The following CTNNA3 variants were observed in gnomAD, a reference collection of about 807,000 sequenced individuals.
CTNNA3 encodes catenin alpha-3.
CTNNA3 carries 76 observed loss-of-function variants against 95.7 expected under a neutral mutation model. The ratio of observed to expected loss-of-function variants is 0.79; its 90% CI spans 0.66 to 0.96. The LOEUF is 0.96. Ranked by LOEUF, CTNNA3 falls within the 40% of genes least tolerant of loss-of-function variation. The pLI is 0.00. For missense variants in CTNNA3, 1,191 were observed against 1,089.8 expected, an observed-to-expected ratio of 1.09 and a Z score of -1.31; for synonymous variants, 431 against 374.4, an observed-to-expected ratio of 1.15 and a Z score of -1.74.
At position 67,112,150 on chromosome 10, in the gene CTNNA3, A is replaced by G. The variant is rs561757576; in HGVS notation, c.1047+68167T>C. Among the ~76,000 whole-genome samples, 752 of 152,288 alleles carry G rather than the reference A, an allele frequency of 4.9e-3. 1 individual carries two copies. Among genetic ancestry groups the G allele is most frequent in the African/African-American group, 0.015 (635 of 41,560 alleles). Reference sequence around the variant, plus strand: ...ATTTATAACTGGTCATTATGATAATACACCTTCATGTTCCACCCTTTTCAA... The same window carrying G: ...ATTTATAACTGGTCATTATGATAATGCACCTTCATGTTCCACCCTTTTCAA... On this transcript the variant is annotated intron_variant, in intron 7 of 17. Transcript: ENST00000433211.
intron 7 of CTNNA3, among the ~76,000 whole-genome samples, chr10:67,023,468 A>T (rs951677530): frequency 3.3e-5 from 5 of 152,130 alleles, no homozygotes; most frequent in Non-Finnish European, 7.4e-5. Flanking sequence ...GAGAACGATG[A>T]CTAAAATCTA....
intron 10 of CTNNA3, among the ~76,000 whole-genome samples, chr10:66,543,169 A>G (rs1037567676): frequency 3.3e-5 from 5 of 152,076 alleles, no homozygotes; most frequent in African/African-American, 1.2e-4. Context: ...GCTCACTGCA[A>G]TCAATCCCTG....
At chr10:67,501,932 T>G (rs1031787786) in intron 5 of CTNNA3, among the ~76,000 whole-genome samples, 2 of 152,172 alleles carry the variant, frequency 1.3e-5, no homozygotes, top group Non-Finnish European at 2.9e-5. Context: ...TCAGAGGAGT[T>G]TGTTACTCTC....
At chr10:66,404,761 A>G (rs1196006641) in intron 11 of CTNNA3, among the ~76,000 whole-genome samples, 1 of 146,250 alleles carries the variant, frequency 6.8e-6, no homozygotes, top group Non-Finnish European at 1.5e-5. Context: ...TTCTTAAAAC[A>G]TTATGAGGTT....
chr10:66,380,521 T>C (rs1022480456), intron 11 of CTNNA3, among the ~76,000 whole-genome samples: 1 of 151,776 alleles, frequency 6.6e-6, no homozygotes, highest in African/African-American at 2.4e-5. Flanking sequence ...GGTGGGAGGA[T>C]TGATTGAGCC....
At chr10:67,731,439 C>T (rs1480875080) in intron 1 of CTNNA3, among the ~76,000 whole-genome samples, 2 of 152,078 alleles carry the variant, frequency 1.3e-5, no homozygotes, top group Admixed American at 1.3e-4. Context: ...CGAGATCGCA[C>T]CACTGCACTC....
chr10:67,570,841 G>T (rs1414694484), intron 3 of CTNNA3, among the ~76,000 whole-genome samples: 1 of 151,876 alleles, frequency 6.6e-6, no homozygotes, highest in Non-Finnish European at 1.5e-5. Flanking sequence ...CTCCTTTTTG[G>T]TTCATCATTT....
chr10:66,055,508 T>C (rs2133551908), intron 15 of CTNNA3, among the ~76,000 whole-genome samples: 1 of 152,348 alleles, frequency 6.6e-6, no homozygotes. Context: ...GTTTCTTTTT[T>C]TCAGACTGCT....
chr10:66,800,624 A>C (rs10822916), intron 7 of CTNNA3, among the ~76,000 whole-genome samples: 23,677 of 151,194 alleles, frequency 0.16, 2,482 homozygotes, highest in East Asian at 0.38. Flanking sequence ...ATTGAAATTT[A>C]AAAATGTCTA....
intron 12 of CTNNA3, among the ~76,000 whole-genome samples, chr10:66,360,385 G>A (rs936832265): frequency 6.6e-6 from 1 of 152,060 alleles, no homozygotes; most frequent in African/African-American, 2.4e-5. Context: ...TTAAAGTGAA[G>A]TCTTCCCCAT....
At chr10:66,344,732 A>G (rs1169677997) in intron 12 of CTNNA3, among the ~76,000 whole-genome samples, 1 of 152,086 alleles carries the variant, frequency 6.6e-6, no homozygotes, top group Non-Finnish European at 1.5e-5. Flanking sequence ...ATTTCTATAG[A>G]AGGAAACATC....
At chr10:67,349,813 C>G (rs1175878967) in intron 5 of CTNNA3, among the ~76,000 whole-genome samples, 3 of 152,108 alleles carry the variant, frequency 2.0e-5, no homozygotes, top group Non-Finnish European at 4.4e-5. Flanking sequence ...TTCCTCCAAC[C>G]TCAGCCTAGA....
chr10:67,149,692 C>T (rs1180629187), intron 7 of CTNNA3, among the ~76,000 whole-genome samples: 1 of 152,146 alleles, frequency 6.6e-6, no homozygotes, highest in African/African-American at 2.4e-5. Flanking sequence ...TCCAACATCA[C>T]AGAGTAAATG....
At chr10:67,025,677 T>C (rs1022051376) in intron 7 of CTNNA3, among the ~76,000 whole-genome samples, 1 of 152,202 alleles carries the variant, frequency 6.6e-6, no homozygotes, top group Non-Finnish European at 1.5e-5. Flanking sequence ...ATAAGTACTA[T>C]ATCATTACAC....
intron 11 of CTNNA3, among the ~76,000 whole-genome samples, chr10:66,510,442 G>A (rs977627824): frequency 6.6e-6 from 1 of 151,866 alleles, no homozygotes; most frequent in Non-Finnish European, 1.5e-5. Context: ...TTGAATAAGA[G>A]TAGTGAAAGT....
At chr10:67,633,697 C>CA (rs1405617129) in intron 2 of CTNNA3, among the ~76,000 whole-genome samples, 2 of 151,938 alleles carry the variant, frequency 1.3e-5, no homozygotes, top group Non-Finnish European at 2.9e-5. Flanking sequence ...ACAACACCAA[C>CA]AAAAAAGACC....
At chr10:66,865,609 T>C (rs889973426) in intron 7 of CTNNA3, among the ~76,000 whole-genome samples, 1 of 152,126 alleles carries the variant, frequency 6.6e-6, no homozygotes, top group Non-Finnish European at 1.5e-5. Context: ...AATTGCCATA[T>C]GCAATTATAT....
At chr10:66,797,083 T>C (rs988306039) in intron 7 of CTNNA3, among the ~76,000 whole-genome samples, 2 of 151,980 alleles carry the variant, frequency 1.3e-5, no homozygotes, top group Non-Finnish European at 2.9e-5. Context: ...AAATTTGTTT[T>C]TTTTTTCCTA....
intron 7 of CTNNA3, among the ~76,000 whole-genome samples, chr10:67,179,482 T>C (rs1424277143): frequency 8.5e-6 from 1 of 117,240 alleles, no homozygotes; most frequent in Non-Finnish European, 1.7e-5. Context: ...ATATTTCTGA[T>C]AGCTAAAACT....
Sources: gnomAD v4.1 joint callset for allele counts (sites outside exome capture counted in the v4.1 genomes callset) on GRCh38, gnomAD v4.1.1 for gene constraint, MANE v1.5 for transcripts, NCBI Gene and HGNC (gene_info 2026-07-23, HGNC 2026-07-21) for gene names.